Variants in FAF1 observed in about 807,000 individuals in gnomAD.
The protein encoded by FAF1 is Fas associated factor 1.
A neutral mutation model predicts 92.5 loss-of-function variants in FAF1; 25 were observed. The ratio of observed to expected loss-of-function variants is 0.27; its 90% confidence interval spans 0.20 to 0.38. The LOEUF (loss-of-function observed/expected upper bound fraction) is 0.38, where lower values mean the gene tolerates loss of function less well. FAF1 is among the 10% of genes least tolerant of loss of function. The pLI is 1.00. For missense variants in FAF1, 636 were observed against 793.3 expected (o/e 0.80, Z 2.38); for synonymous variants, 234 against 273.2 (o/e 0.86, Z 1.42).
At chr1:50,706,534 G>GA (rs1189374924) in intron 6 of FAF1, among the ~76,000 whole-genome samples, 10 of 151,864 alleles carry the variant, frequency 6.6e-5, no homozygotes, top group Non-Finnish European at 7.4e-5. Flanking sequence ...TGAAATTAGT[G>GA]AAAAAATCAA....
At chr1:50,466,781 C>G (rs1646501919) in intron 18 of FAF1, among the ~76,000 whole-genome samples, 1 of 152,180 alleles carries the variant, frequency 6.6e-6, no homozygotes, top group Non-Finnish European at 1.5e-5. Flanking sequence ...CCCCCTTCAG[C>G]CTTTTCTCAG....
At chr1:50,797,054 T>A (rs549540304) in intron 3 of FAF1, among the ~76,000 whole-genome samples, 106 of 152,068 alleles carry the variant, frequency 7.0e-4, no homozygotes, top group African/African-American at 2.4e-3. Flanking sequence ...GAGGATCAAT[T>A]GAGTCAGGGA....
At chr1:50,929,815 C>G (rs1182390459) in intron 1 of FAF1, among the ~76,000 whole-genome samples, 1 of 152,170 alleles carries the variant, frequency 6.6e-6, no homozygotes, top group East Asian at 1.9e-4. Flanking sequence ...GGAACACAAA[C>G]CATACTTAGC....
At chr1:50,804,845 AATTGCCTATTC>A (rs1222673966) in intron 2 of FAF1, among the ~76,000 whole-genome samples, 1 of 152,224 alleles carries the variant, frequency 6.6e-6, no homozygotes, top group African/African-American at 2.4e-5. Context: ...CACTCTTACC[AATTGCCTATTC>A]ATTGCCAAGC....
At chr1:50,576,839 T>C (rs910456387) in intron 12 of FAF1, among the ~76,000 whole-genome samples, 1 of 151,602 alleles carries the variant, frequency 6.6e-6, no homozygotes, top group Non-Finnish European at 1.5e-5. Context: ...TTTCTTTTTT[T>C]TTTTTTTGTA....
chr1:50,920,680 C>A (rs1253354735), intron 1 of FAF1, among the ~76,000 whole-genome samples: 1 of 152,088 alleles, frequency 6.6e-6, no homozygotes, highest in Non-Finnish European at 1.5e-5. Context: ...ATCTATATCA[C>A]CATCTCACTA....
In FAF1 at chr1:50,802,336, C is replaced by T. The variant is rs187178141; in HGVS notation, c.115-659G>A. Among the ~76,000 whole-genome samples the T allele has an allele frequency of 1.1e-4, 17 of 152,200 alleles. No homozygotes were observed. The East Asian group carries it at 2.7e-3, about 24-fold the overall frequency. On this transcript the variant is annotated intron_variant, in intron 2 of 18. Coordinates refer to ENST00000396153, the MANE Select transcript of FAF1 (RefSeq NM_007051.3). ...AACTCCCAACCTCAGGTGATCCACC[C>T]GCCTCGGCCTCCCAAAGTGCTGGGA... is the stretch of plus-strand genomic sequence containing the variant.
At chr1:50,789,340 C>A (rs1260649745) in intron 3 of FAF1, among the ~76,000 whole-genome samples, 1 of 152,130 alleles carries the variant, frequency 6.6e-6, no homozygotes, top group African/African-American at 2.4e-5. Flanking sequence ...TATATTTGCA[C>A]AACATCTGGT....
chr1:50,670,691 G>T (rs865894431), intron 7 of FAF1, among the ~76,000 whole-genome samples: 1 of 152,128 alleles, frequency 6.6e-6, no homozygotes, highest in Non-Finnish European at 1.5e-5. Flanking sequence ...TCAGCACTCT[G>T]GGGGCTGAGG....
At chr1:50,799,668 T>C (rs1458371597) in intron 3 of FAF1, among the ~76,000 whole-genome samples, 1 of 152,222 alleles carries the variant, frequency 6.6e-6, no homozygotes. Context: ...CTTTATATAG[T>C]AATTTATTTA....
intron 4 of FAF1, among the ~76,000 whole-genome samples, chr1:50,778,818 T>C (rs1661054873): frequency 2.0e-5 from 3 of 151,430 alleles, no homozygotes; most frequent in Admixed American, 2.0e-4. Context: ...AGACCATCCC[T>C]TAAAAAAACA....
chr1:50,888,821 TTC>T (rs1644692798), intron 1 of FAF1, among the ~76,000 whole-genome samples: 1 of 152,192 alleles, frequency 6.6e-6, no homozygotes. Context: ...TGGTCTAAAA[TTC>T]TCTTTTTTTG....
chr1:50,554,382 TATATATATAGAG>T (rs1258042455), intron 13 of FAF1, among the ~76,000 whole-genome samples: 2 of 99,044 alleles, frequency 2.0e-5, no homozygotes, highest in Admixed American at 2.0e-4. Context: ...TATATATATA[TATATATATAGAG>T]AGAGAGAGAG....
chr1:50,865,590 A>G (rs1468331404), intron 1 of FAF1, among the ~76,000 whole-genome samples: 3 of 138,556 alleles, frequency 2.2e-5, no homozygotes, highest in Non-Finnish European at 4.6e-5. Flanking sequence ...TTGCAAGAAC[A>G]AAAAACCAAA....
intron 9 of FAF1, among the ~76,000 whole-genome samples, chr1:50,585,257 TTC>T (rs1054148338): frequency 3.9e-5 from 6 of 152,290 alleles, no homozygotes; most frequent in Middle Eastern, 3.4e-3. Flanking sequence ...GTTCTCAGGT[TTC>T]TCTTTGTGAA....
At chr1:50,885,101 G>A (rs960439353) in intron 1 of FAF1, among the ~76,000 whole-genome samples, 1 of 152,084 alleles carries the variant, frequency 6.6e-6, no homozygotes, top group African/African-American at 2.4e-5. Context: ...AATTTCCACA[G>A]TATCAGACAT....
At position 50,819,766 on chromosome 1, in the gene FAF1, T is replaced by TATATATATAC. The variant is rs1557543633; in HGVS notation, c.115-18090_115-18089insGTATATATAT. 1.3e-3 allele frequency among the ~76,000 whole-genome samples: 77 copies of TATATATATAC among 59,728 alleles called. 5 individuals carry two copies. Among genetic ancestry groups the TATATATATAC allele is most frequent in the African/African-American group, 5.0e-3 (72 of 14,456 alleles). The allele number at this position is 59,728 out of a possible 152,430, so 39.2% of individuals were successfully genotyped here. ...ATATATATATACATATATATATACG[T>TATATATATAC]ATATATATATACATATATATACATA... On this transcript the variant is annotated intron_variant, in intron 2 of 18. Coordinates refer to ENST00000396153, the MANE Select transcript of FAF1 (RefSeq NM_007051.3).
rs112004374 is a variant in FAF1 at position 50,438,936 on chromosome 1, C to CAA, written c.*2502_*2503dup. Reference sequence around the variant, plus strand: ...GGCAACATCCGAAATCAGAAACCTCCAAAAAAATCCCTGCACCTTCTTAAA... The same window carrying CAA: ...GGCAACATCCGAAATCAGAAACCTCCAAAAAAAAATCCCTGCACCTTCTTAAA... On this transcript the variant is annotated 3_prime_UTR_variant, in exon 19 of 19. Transcript: ENST00000396153. 1.3e-5 allele frequency: 2 copies of CAA among 152,110 alleles called. No homozygotes were observed. Among genetic ancestry groups the CAA allele is most frequent in the African/African-American group, 4.8e-5 (2 of 41,386 alleles). 9.4% of individuals were successfully genotyped at this position (152,110 alleles called of 1,614,324 possible).
chr1:50,707,396 C>T (rs1051953256), intron 6 of FAF1, among the ~76,000 whole-genome samples: 84 of 152,054 alleles, frequency 5.5e-4, no homozygotes, highest in African/African-American at 2.0e-3. Flanking sequence ...GTCATTATAT[C>T]CATAAAAATT....
Sources: allele counts gnomAD v4.1 joint callset (sites outside exome capture counted in the v4.1 genomes callset), GRCh38; gene constraint gnomAD v4.1.1; transcripts MANE v1.5; gene names NCBI Gene and HGNC (gene_info 2026-07-23, HGNC 2026-07-21).